Variants in PRDM6 observed in about 807,000 individuals in gnomAD.
PRDM6 encodes PR/SET domain 6, also known as putative histone-lysine N-methyltransferase PRDM6.
Under a neutral mutation model 60.8 loss-of-function variants are expected in PRDM6, and 25 were observed. The observed-to-expected ratio is 0.41, with a 90% confidence interval of 0.30 to 0.57. The LOEUF (loss-of-function observed/expected upper bound fraction) is 0.57. Ranked by LOEUF, PRDM6 falls within the 20% of genes least tolerant of loss-of-function variation. The pLI is 0.27. For synonymous variants in PRDM6, 407 were observed against 357.4 expected, an observed-to-expected ratio of 1.14 and a Z score of -1.57; for missense variants, 839 against 821.3, an observed-to-expected ratio of 1.02 and a Z score of -0.26.
chr5:123,176,789 C>G (rs1766023210), intron 6 of PRDM6, among the ~76,000 whole-genome samples: 1 of 152,202 alleles, frequency 6.6e-6, no homozygotes. Context: ...TAAAGCTAAA[C>G]TCAGCACTCA....
At chr5:123,155,655 T>C (rs1165725118) in intron 3 of PRDM6, among the ~76,000 whole-genome samples, 1 of 152,212 alleles carries the variant, frequency 6.6e-6, no homozygotes, top group African/African-American at 2.4e-5. Flanking sequence ...ATACCACAAA[T>C]ATGTTTAATA....
In PRDM6 at chr5:123,166,801, A is replaced by G. The variant is rs149671175; in HGVS notation, c.1154-3965A>G. 7.7e-3 allele frequency among the ~76,000 whole-genome samples: 1,174 copies of G among 152,288 alleles called. 15 individuals are homozygous for G. Among genetic ancestry groups the G allele is most frequent in the African/African-American group, 0.027 (1,128 of 41,546 alleles). Reference sequence around the variant, plus strand: ...CCTCTCTCAATATTTTAACTGTCCAAATTTCATGCGTTCATGTTCTTCCTT... The same window carrying G: ...CCTCTCTCAATATTTTAACTGTCCAGATTTCATGCGTTCATGTTCTTCCTT... On this transcript the variant is annotated intron_variant, in intron 5 of 7. Transcript: ENST00000407847.
intron 6 of PRDM6, 132 bp from the exon 7 acceptor site, chr5:123,180,015 G>C: frequency 3.5e-6 from 3 of 852,950 alleles, no homozygotes; most frequent in Non-Finnish European, 5.3e-6. Context: ...GAATCCAGTG[G>C]CCAAAGCTCT....
At position 123,090,332 on chromosome 5, in the gene PRDM6, T is replaced by C; in HGVS notation, c.318T>C (p.Ala106=). 1 of 1,477,910 alleles carries C rather than the reference T, an allele frequency of 6.8e-7. No individual in the cohort carries two copies. Among genetic ancestry groups the C allele is most frequent in the Admixed American group, 2.3e-5 (1 of 44,252 alleles). 91.5% of individuals were successfully genotyped at this position (1,477,910 alleles called of 1,614,324 possible). The part of the protein sequence containing the change: ...CAAAAAAAAL[A]GLSALPVSQL... The stretch of plus-strand genomic sequence containing the variant: ...CTGCGGCCGCTGCCGCCGCGCTGGC[T>C]GGTCTCTCGGCCCTGCCGGTGTCGC... Residue 106 remains alanine, a synonymous_variant, in exon 2 of 8, where the codon GCT becomes GCC. Coordinates refer to ENST00000407847, the MANE Select transcript of PRDM6 (RefSeq NM_001136239.4).
chr5:123,179,091 G>T lies in PRDM6; in HGVS notation c.1497-1056G>T, dbSNP rs746691930. ...ATGATATGAAATAGCTTTGAATAGG[G>T]AAAACTCCCTGGGTTTTATATCACT... On this transcript the variant is annotated intron_variant, in intron 6 of 7. Transcript: ENST00000407847. Among the ~76,000 whole-genome samples, 17 of 152,278 alleles carry T rather than the reference G, an allele frequency of 1.1e-4. No homozygotes were observed. In the South Asian group the frequency reaches 1.2e-3, roughly 11 times the overall value.
chr5:123,113,292 A>AT (rs1764359131), intron 3 of PRDM6, among the ~76,000 whole-genome samples: 1 of 152,130 alleles, frequency 6.6e-6, no homozygotes, highest in Admixed American at 6.5e-5. Context: ...CTTTTTTTAA[A>AT]TGTTTATATT....
intron 5 of PRDM6, among the ~76,000 whole-genome samples, chr5:123,166,944 G>T (rs1398400695): frequency 6.6e-6 from 1 of 151,986 alleles, no homozygotes; most frequent in African/African-American, 2.4e-5. Context: ...CATCTTTTTG[G>T]TCATTTTAAT....
At position 123,194,081 on chromosome 5, in the gene PRDM6, ACT is replaced by A. The variant is rs1766480109; in HGVS notation, c.*6882_*6883del. ...TAATAAAGTTTTCTAACTTTATTAA[ACT>A]CACATTATTTAATGAAAAAATAACT... On this transcript the variant is annotated 3_prime_UTR_variant, in exon 8 of 8. Coordinates refer to ENST00000407847, the MANE Select transcript of PRDM6 (RefSeq NM_001136239.4). The A allele has an allele frequency of 6.6e-6, 1 of 152,162 alleles. No individual in the cohort carries two copies. Among genetic ancestry groups the A allele is most frequent in the Admixed American group, 6.5e-5 (1 of 15,274 alleles). 9.4% of individuals were successfully genotyped at this position (152,162 alleles called of 1,614,324 possible).
Position 123,191,079 on chromosome 5 carries a change from G to C in PRDM6, c.*3878G>C, listed in dbSNP as rs980475984. ...TCAAGAGACCAGGATTAGGGCCTGG[G>C]TCTTGGGTTTTTATGACCCCCCCTT... On this transcript the variant is annotated 3_prime_UTR_variant, in exon 8 of 8. Coordinates refer to ENST00000407847, the MANE Select transcript of PRDM6 (RefSeq NM_001136239.4). The C allele has an allele frequency of 6.6e-6, 1 of 152,156 alleles. No homozygotes were observed. Among genetic ancestry groups the C allele is most frequent in the Non-Finnish European group, 1.5e-5 (1 of 68,050 alleles). The allele number at this position is 152,156 out of a possible 1,614,324, so 9.4% of individuals were successfully genotyped here.
At chr5:123,170,376 C>G (rs148311216) in intron 5 of PRDM6, among the ~76,000 whole-genome samples, 2,366 of 152,332 alleles carry the variant, frequency 0.016, 25 homozygotes, top group South Asian at 0.033. Flanking sequence ...TTTCTCTGCA[C>G]TGCTCAGGGC....
chr5:123,188,199 C>T lies in PRDM6; in HGVS notation c.*998C>T, dbSNP rs549331636. Reference sequence around the variant, plus strand: ...CTTGCAGATGAACCCCAGGAGCCCCCTTTCCTCTCTCCTGAGTGTGGGAGG... The same window carrying T: ...CTTGCAGATGAACCCCAGGAGCCCCTTTTCCTCTCTCCTGAGTGTGGGAGG... On this transcript the variant is annotated 3_prime_UTR_variant, in exon 8 of 8. Coordinates refer to ENST00000407847, the MANE Select transcript of PRDM6 (RefSeq NM_001136239.4). 1.3e-5 allele frequency: 2 copies of T among 152,148 alleles called. No individual in the cohort carries two copies. Among genetic ancestry groups the T allele is most frequent in the African/African-American group, 4.8e-5 (2 of 41,420 alleles). The allele number at this position is 152,148 out of a possible 1,614,324, so 9.4% of individuals were successfully genotyped here.
At chr5:123,151,720 G>T (rs1249196580) in intron 3 of PRDM6, among the ~76,000 whole-genome samples, 1 of 76,016 alleles carries the variant, frequency 1.3e-5, no homozygotes, top group Non-Finnish European at 3.2e-5. Context: ...TTTCATGGAG[G>T]CCTTATCTAC....
At chr5:123,106,725 C>A (rs565404907) in intron 3 of PRDM6, among the ~76,000 whole-genome samples, 1 of 152,310 alleles carries the variant, frequency 6.6e-6, no homozygotes, top group Admixed American at 6.5e-5. Context: ...ATGTTTTTAT[C>A]ATTTTGTGTA....
intron 3 of PRDM6, among the ~76,000 whole-genome samples, chr5:123,150,314 C>T (rs2126868490): frequency 6.6e-6 from 1 of 152,266 alleles, no homozygotes; most frequent in African/African-American, 2.4e-5. Context: ...AAGCTCTTAA[C>T]CTCTGTACTC....
At chr5:123,093,943 C>T (rs1441356767) in intron 2 of PRDM6, among the ~76,000 whole-genome samples, 1 of 151,832 alleles carries the variant, frequency 6.6e-6, no homozygotes, top group Admixed American at 6.6e-5. Flanking sequence ...GAGAGTTGGA[C>T]CACTTTGCAA....
intron 7 of PRDM6, among the ~76,000 whole-genome samples, chr5:123,183,654 C>G (rs1349432591): frequency 2.6e-5 from 4 of 152,148 alleles, no homozygotes; most frequent in Non-Finnish European, 4.4e-5. Context: ...TCAATTTGCT[C>G]TATGATACTG....
chr5:123,170,636 A>G, intron 5 of PRDM6, 130 bp from the exon 6 acceptor site: 1 of 693,180 alleles, frequency 1.4e-6, no homozygotes, highest in Non-Finnish European at 2.4e-6. Flanking sequence ...ATGGTTTGTT[A>G]TGTTAATTCT....
intron 5 of PRDM6, among the ~76,000 whole-genome samples, chr5:123,167,738 C>T (rs1252517296): frequency 1.3e-5 from 2 of 152,198 alleles, no homozygotes; most frequent in African/African-American, 4.8e-5. Flanking sequence ...AATCTATCAT[C>T]TACACTTAGA....
chr5:123,124,600 A>G (rs1764652697), intron 3 of PRDM6, among the ~76,000 whole-genome samples: 1 of 152,206 alleles, frequency 6.6e-6, no homozygotes, highest in Admixed American at 6.5e-5. Context: ...GTTTTTGGCA[A>G]TCACACTGCC....
Sources: allele counts gnomAD v4.1 joint callset (sites outside exome capture counted in the v4.1 genomes callset), GRCh38; gene constraint gnomAD v4.1.1; transcripts MANE v1.5; gene names NCBI Gene and HGNC (gene_info 2026-07-23, HGNC 2026-07-21).